NUP188: variants seen among roughly 807,000 people sequenced by gnomAD.
NUP188 encodes nucleoporin NUP188.
NUP188 carries 97 observed loss-of-function variants against 223.0 expected under a neutral mutation model. The observed-to-expected ratio is 0.43, with a 90% CI of 0.37 to 0.51. The LOEUF (loss-of-function observed/expected upper bound fraction) is 0.51. Among genes scored for constraint, NUP188 ranks in the 20% least tolerant of loss-of-function variants. The pLI is 0.00. For missense variants in NUP188, 1,947 were observed against 2,175.6 expected (o/e 0.89, Z 2.09); for synonymous variants, 869 against 828.0 (o/e 1.05, Z -0.85).
rs1842780056 is a variant in NUP188, at chr9:129,005,738, C to T, written c.4831C>T (p.Leu1611=). Residue 1611 remains leucine, a synonymous_variant, in exon 41 of 44, where the codon CTG becomes TTG. Transcript: ENST00000372577. ...SEVAPSFGTL[L]ATVNVALNML... ...AGTGGCCCCCTCCTTCGGGACCCTT[C>T]TGGCCACAGTGAATGTGGCCCTCAA... 6.2e-7 allele frequency: 1 copy of T among 1,614,076 alleles called. No individual in the cohort carries two copies. Among genetic ancestry groups the T allele is most frequent in the Non-Finnish European group, 8.5e-7 (1 of 1,179,978 alleles).
chr9:129,005,820 C>A, intron 41 of NUP188, 44 bp downstream of exon 41: 1 of 1,548,910 alleles, frequency 6.5e-7, no homozygotes, highest in Non-Finnish European at 8.7e-7. Context: ...CCCGGCTCCT[C>A]CCCCTGCCTG....
In NUP188 at chr9:129,001,544, C is replaced by T; in HGVS notation, c.3859C>T (p.Leu1287=). Residue 1287 remains leucine, a synonymous_variant, in exon 35 of 44, where the codon CTG becomes TTG. Transcript: ENST00000372577. ...CTCTGGGCAGGTGTGTGTCCTGGGC[C>T]TGCACCTGGCCAAGGAGCTGTGTGA... ...DQRDGVCVLG[L]HLAKELCEVD... The T allele has an allele frequency of 6.2e-7, 1 of 1,613,850 alleles. No individual in the cohort carries two copies. The highest frequency in any genetic ancestry group is 8.5e-7 in the Non-Finnish European group (1 of 1,179,944).
Position 129,005,631 on chromosome 9 carries a change from G to A in NUP188, c.4738-14G>A, listed in dbSNP as rs1842776908. 6.2e-7 allele frequency: 1 copy of A among 1,612,628 alleles called. No homozygotes were observed. The highest frequency in any genetic ancestry group is 1.3e-5 in the African/African-American group (1 of 74,896). ...CTTAATTGGGTCCTGGATGGCTCTT[G>A]TCTTTTCTCGCAGTCCCTGGACCTT... On this transcript the variant is annotated splice_polypyrimidine_tract_variant and intron_variant, in intron 40 of 43. Transcript: ENST00000372577.
chr9:128,971,860 C>T (rs926373292), intron 11 of NUP188, among the ~76,000 whole-genome samples: 2 of 152,078 alleles, frequency 1.3e-5, no homozygotes, highest in South Asian at 4.1e-4. Context: ...CAACCTCTGC[C>T]TCCCGGGTTC....
intron 25 of NUP188, among the ~76,000 whole-genome samples, chr9:128,990,756 T>C (rs1221890528): frequency 6.6e-6 from 1 of 152,198 alleles, no homozygotes; most frequent in Non-Finnish European, 1.5e-5. Context: ...TCCCAGCTAA[T>C]TGGGAGGCTG....
Position 128,994,858 on chromosome 9 carries a change from C to T in NUP188, c.3090C>T (p.Pro1030=), listed in dbSNP as rs182510666. 6.6e-5 allele frequency: 106 copies of T among 1,613,440 alleles called. No homozygotes were observed. The East Asian group carries it at 2.2e-3, about 33-fold the overall frequency. Residue 1030 remains proline, a splice_region_variant and synonymous_variant, in exon 29 of 44, where the codon CCC becomes CCT. Coordinates refer to ENST00000372577, the MANE Select transcript of NUP188 (RefSeq NM_015354.3). ...TGCCTGTTCTGCTATCTCCACAGCC[C>T]AGCATCCTGGAAACCTGTGCCCTAA... ...TLSPPSETSE[P]SILETCALIM...
intron 15 of NUP188, among the ~76,000 whole-genome samples, chr9:128,982,298 T>G (rs1842265044): frequency 6.6e-6 from 1 of 151,680 alleles, no homozygotes; most frequent in African/African-American, 2.4e-5. Flanking sequence ...GGAGTGGTGG[T>G]GCGCACCTGT....
At chr9:129,005,611 T>C (rs750940179) in intron 40 of NUP188, 34 bp from the exon 41 acceptor site, 5 of 1,611,700 alleles carry the variant, frequency 3.1e-6, no homozygotes, top group Admixed American at 3.3e-5. Context: ...GGGGCCTTAA[T>C]TGGGTCCTGG....
intron 10 of NUP188, 32 bp from the exon 11 acceptor site, chr9:128,970,726 G>A (rs1366946397): frequency 1.7e-5 from 27 of 1,580,022 alleles, no homozygotes; most frequent in East Asian, 2.2e-5. Context: ...CTTTCTGTTC[G>A]GAGATGTAGA....
chr9:129,002,997 AG>A, intron 37 of NUP188, 22 bp downstream of exon 37: 1 of 1,611,922 alleles, frequency 6.2e-7, no homozygotes, highest in Non-Finnish European at 8.5e-7. Context: ...CCTGCATTGC[AG>A]GGGTGGGAGT....
chr9:128,998,661 G>T (rs760027099), intron 32 of NUP188, 38 bp downstream of exon 32: 1 of 1,543,510 alleles, frequency 6.5e-7, no homozygotes, highest in Non-Finnish European at 8.9e-7. Context: ...CGAGGCCAGA[G>T]CCTTCTTGTC....
intron 12 of NUP188, among the ~76,000 whole-genome samples, chr9:128,975,604 C>T (rs933955815): frequency 6.6e-6 from 1 of 151,928 alleles, no homozygotes; most frequent in Non-Finnish European, 1.5e-5. Flanking sequence ...CACTTCAAGT[C>T]TGCCTCCTGG....
chr9:128,975,025 T>A (rs1012034268), intron 12 of NUP188, among the ~76,000 whole-genome samples: 6 of 151,928 alleles, frequency 3.9e-5, no homozygotes, highest in African/African-American at 1.5e-4. Flanking sequence ...CCTCCCAGAG[T>A]GCTGGGATTA....
rs148698768 is a variant in NUP188, at chr9:128,959,053, A to G, written c.504A>G (p.Glu168=). ...ACTGTGTTGATAAATTGGAGAAGGA[A>G]CTAGTTTCAAAATACAGACAGCAGT... ...YADCVDKLEK[E]LVSKYRQQFE... The change falls in exon 8 of 44, where the codon GAA becomes GAG. Residue 168 remains glutamate (E), a synonymous_variant. Coordinates refer to ENST00000372577, the MANE Select transcript of NUP188 (RefSeq NM_015354.3). 2.1e-5 allele frequency: 34 copies of G among 1,598,732 alleles called. No homozygotes were observed. Among genetic ancestry groups the G allele is most frequent in the Admixed American group, 3.4e-5 (2 of 59,192 alleles).
At position 129,005,131 on chromosome 9, in the gene NUP188, C is replaced by T. The variant is rs372116633; in HGVS notation, c.4435-16C>T. The T allele has an allele frequency of 1.6e-5, 26 of 1,608,512 alleles. No homozygotes were observed. The highest frequency in any genetic ancestry group is 1.6e-4 in the Middle Eastern group (1 of 6,078). Reference sequence around the variant, plus strand: ...CTGACAAGAGAATCCGCTCATCTCTCCTGTGTCTCTCCCAGGTCAACCTGG... The same window carrying T: ...CTGACAAGAGAATCCGCTCATCTCTTCTGTGTCTCTCCCAGGTCAACCTGG... On this transcript the variant is annotated splice_polypyrimidine_tract_variant and intron_variant, in intron 38 of 43. Transcript: ENST00000372577.
Position 128,957,049 on chromosome 9 carries a change from A to G in NUP188, c.327+17A>G. The G allele has an allele frequency of 6.5e-7, 1 of 1,550,302 alleles. No individual in the cohort carries two copies. The highest frequency in any genetic ancestry group is 8.8e-7 in the Non-Finnish European group (1 of 1,132,652). ...TCAGTAAAGGTTTGTGGTTTATGTCAGCTCCTTTCTTCTGCCTTTATCCTT... is the reference window on the plus strand; with the variant it reads ...TCAGTAAAGGTTTGTGGTTTATGTCGGCTCCTTTCTTCTGCCTTTATCCTT... On this transcript the variant is annotated intron_variant, in intron 5 of 43. Coordinates refer to ENST00000372577, the MANE Select transcript of NUP188 (RefSeq NM_015354.3).
chr9:129,000,868 C>A (rs376557381), intron 34 of NUP188, among the ~76,000 whole-genome samples: 9 of 151,648 alleles, frequency 5.9e-5, no homozygotes, highest in African/African-American at 2.2e-4. Flanking sequence ...GAAACCCTGT[C>A]TCTATGAAAA....
intron 3 of NUP188, 47 bp downstream of exon 3, chr9:128,952,893 C>G: frequency 7.0e-7 from 1 of 1,431,010 alleles, no homozygotes; most frequent in South Asian, 1.1e-5. Context: ...CCTAAGGAAG[C>G]TGACATGGAT....
At chr9:128,980,208 C>A (rs1279418437) in intron 13 of NUP188, among the ~76,000 whole-genome samples, 1 of 152,154 alleles carries the variant, frequency 6.6e-6, no homozygotes. Context: ...TGTTATAGAA[C>A]CACAGTGCTC....
Sources: gnomAD v4.1 joint callset for allele counts (sites outside exome capture counted in the v4.1 genomes callset) on GRCh38, gnomAD v4.1.1 for gene constraint, MANE v1.5 for transcripts, NCBI Gene and HGNC (gene_info 2026-07-23, HGNC 2026-07-21) for gene names.